CHD9: variants seen among roughly 807,000 people sequenced by gnomAD.
The protein encoded by CHD9 is ATP-dependent chromatin remodeler CHD9.
In CHD9, 77 loss-of-function variants were observed where a neutral mutation model predicts 316.1. The observed-to-expected ratio is 0.24, with a 90% CI of 0.20 to 0.29. CHD9 has a LOEUF of 0.29. Among genes scored for constraint, CHD9 ranks in the 10% least tolerant of loss-of-function variants. The pLI is 1.00. For synonymous variants in CHD9, 1,129 were observed against 1,158.3 expected (o/e 0.97, Z 0.51); for missense variants, 2,763 against 3,438.1 (o/e 0.80, Z 4.91).
At chr16:53,250,836 C>T (rs2050069762) in intron 17 of CHD9, among the ~76,000 whole-genome samples, 1 of 151,198 alleles carries the variant, frequency 6.6e-6, no homozygotes, top group Non-Finnish European at 1.5e-5. Flanking sequence ...TTTTATAAAA[C>T]TAGTCAAGTG....
At chr16:53,305,175 C>T (rs780979597) in intron 31 of CHD9, among the ~76,000 whole-genome samples, 3 of 152,152 alleles carry the variant, frequency 2.0e-5, no homozygotes, top group Non-Finnish European at 2.9e-5. Flanking sequence ...GATTCTCCTG[C>T]CTCAGCCTCC....
chr16:53,316,486 A>G (rs899938836), intron 36 of CHD9, among the ~76,000 whole-genome samples: 1 of 152,160 alleles, frequency 6.6e-6, no homozygotes, highest in African/African-American at 2.4e-5. Context: ...ATATCCATTC[A>G]TCATTTCACC....
chr16:53,267,597 T>C (rs1382274429), intron 21 of CHD9, 107 bp downstream of exon 21: 2 of 821,070 alleles, frequency 2.4e-6, no homozygotes, highest in African/African-American at 3.5e-5. Context: ...ATCATTAAAA[T>C]TTACTTTTAA....
intron 12 of CHD9, among the ~76,000 whole-genome samples, chr16:53,240,698 T>A (rs1474526053): frequency 6.6e-6 from 1 of 152,122 alleles, no homozygotes; most frequent in African/African-American, 2.4e-5. Context: ...AAAATTTTTC[T>A]AAATTGCCCT....
At chr16:53,275,848 T>A (rs2052755514) in intron 24 of CHD9, among the ~76,000 whole-genome samples, 1 of 152,200 alleles carries the variant, frequency 6.6e-6, no homozygotes, top group Non-Finnish European at 1.5e-5. Flanking sequence ...CCACCTATGA[T>A]CCATTCAACA....
At chr16:53,272,517 T>G (rs967733774) in intron 22 of CHD9, among the ~76,000 whole-genome samples, 1 of 152,026 alleles carries the variant, frequency 6.6e-6, no homozygotes, top group African/African-American at 2.4e-5. Flanking sequence ...TTAATAATTG[T>G]GAAAAATTAC....
chr16:53,094,284 G>A (rs2036200303), intron 1 of CHD9, among the ~76,000 whole-genome samples: 1 of 152,140 alleles, frequency 6.6e-6, no homozygotes, highest in Admixed American at 6.6e-5. Context: ...GGCGGGGCAG[G>A]GCTGATCCTG....
At position 53,212,190 on chromosome 16, in the gene CHD9, A is replaced by G. The variant is rs201161078; in HGVS notation, c.1784+2377A>G. Among the ~76,000 whole-genome samples, 25 of 152,218 alleles carry G rather than the reference A, an allele frequency of 1.6e-4. No homozygotes were observed. In the East Asian group the frequency reaches 4.6e-3, roughly 28 times the overall value. On this transcript the variant is annotated intron_variant, in intron 3 of 38. Coordinates refer to ENST00000447540, the MANE Select transcript of CHD9 (RefSeq NM_001308319.2). ...GCCGAGGCGGGCGGATCACGAGGTC[A>G]GGAGATTGAGACCATCCTAGCTAAC... is the stretch of plus-strand genomic sequence containing the variant.
intron 1 of CHD9, among the ~76,000 whole-genome samples, chr16:53,068,491 A>T (rs1293990608): frequency 6.6e-6 from 1 of 152,064 alleles, no homozygotes; most frequent in Non-Finnish European, 1.5e-5. Context: ...GCCCTCTACC[A>T]AGCCACACAT....
At chr16:53,057,188 T>C (rs1403396169) in intron 1 of CHD9, among the ~76,000 whole-genome samples, 1 of 151,900 alleles carries the variant, frequency 6.6e-6, no homozygotes, top group Non-Finnish European at 1.5e-5. Flanking sequence ...TAAAAAAATA[T>C]GTTTGTGGCC....
At chr16:53,240,313 A>G (rs558017705) in intron 12 of CHD9, among the ~76,000 whole-genome samples, 153 of 152,326 alleles carry the variant, frequency 1.0e-3, no homozygotes, top group African/African-American at 3.5e-3. Context: ...AGCACAACTA[A>G]TATCTTGAGA....
chr16:53,288,138 C>A, intron 27 of CHD9, 124 bp downstream of exon 27: 1 of 695,732 alleles, frequency 1.4e-6, no homozygotes, highest in Non-Finnish European at 2.5e-6. Context: ...CTCAGATTAG[C>A]TAAGTAAGTG....
At chr16:53,210,384 C>T (rs1344491939) in intron 3 of CHD9, among the ~76,000 whole-genome samples, 1 of 151,036 alleles carries the variant, frequency 6.6e-6, no homozygotes, top group Non-Finnish European at 1.5e-5. Context: ...ATTTACTTTA[C>T]GTAATAAAGA....
At chr16:53,232,640 T>C (rs2048279530) in intron 10 of CHD9, among the ~76,000 whole-genome samples, 1 of 152,174 alleles carries the variant, frequency 6.6e-6, no homozygotes, top group South Asian at 2.1e-4. Context: ...AAATGAAATT[T>C]TTCCCTGACC....
chr16:53,242,813 C>T (rs755532068), intron 12 of CHD9, 27 bp from the exon 13 acceptor site: 4 of 1,578,582 alleles, frequency 2.5e-6, no homozygotes, highest in Admixed American at 3.7e-5. Context: ...AATATTCCAG[C>T]AAATAATTAT....
chr16:53,315,610 C>G (rs1328075215), intron 36 of CHD9, among the ~76,000 whole-genome samples: 1 of 152,098 alleles, frequency 6.6e-6, no homozygotes, highest in African/African-American at 2.4e-5. Flanking sequence ...TCCTGAGTAG[C>G]TGGGACCACA....
In CHD9 at chr16:53,239,587, A is replaced by G. The variant is rs577811442; in HGVS notation, c.2877+1001A>G. On this transcript the variant is annotated intron_variant, in intron 12 of 38. Transcript: ENST00000447540. ...TCTCCTGGCACCCTACACTAAAAGC[A>G]CTTTAGTATTTTTTCTTTCCCTCAT... 3.7e-4 allele frequency among the ~76,000 whole-genome samples: 56 copies of G among 152,252 alleles called. 1 individual carries two copies. The highest frequency in any genetic ancestry group is 7.2e-4 in the Admixed American group (11 of 15,286).
intron 2 of CHD9, among the ~76,000 whole-genome samples, chr16:53,192,977 C>T (rs764689233): frequency 1.3e-5 from 2 of 151,786 alleles, no homozygotes; most frequent in Non-Finnish European, 2.9e-5. Context: ...TTTTCACTCT[C>T]GGGTAAATAT....
chr16:53,181,008 C>T (rs2043466388), intron 2 of CHD9, among the ~76,000 whole-genome samples: 1 of 150,452 alleles, frequency 6.6e-6, no homozygotes, highest in South Asian at 2.1e-4. Flanking sequence ...ATGAGAGACA[C>T]GATTTTTTTT....
Sources: allele counts gnomAD v4.1 joint callset (sites outside exome capture counted in the v4.1 genomes callset), GRCh38; gene constraint gnomAD v4.1.1; transcripts MANE v1.5; gene names NCBI Gene and HGNC (gene_info 2026-07-23, HGNC 2026-07-21).